KIAA1549: variants seen among roughly 807,000 people sequenced by gnomAD.
KIAA1549 encodes the protein KIAA1549, also known as UPF0606 protein KIAA1549.
A neutral mutation model predicts 156.4 loss-of-function variants in KIAA1549; 70 were observed. That is an observed-to-expected ratio of 0.45 (90% CI 0.37 to 0.55). The LOEUF (loss-of-function observed/expected upper bound fraction) is 0.55. KIAA1549 is among the 20% of genes least tolerant of loss of function. The pLI is 0.00. For missense variants in KIAA1549, 2,428 were observed against 2,540.9 expected (o/e 0.96, Z 0.96); for synonymous variants, 1,103 against 1,066.4 (o/e 1.03, Z -0.67).
chr7:138,976,238 G>A (rs532351773), intron 1 of KIAA1549, among the ~76,000 whole-genome samples: 134 of 151,978 alleles, frequency 8.8e-4, no homozygotes, highest in African/African-American at 2.9e-3. Flanking sequence ...CACCACACCC[G>A]GCTAATTTCT....
At chr7:138,950,170 T>G (rs1813453427) in intron 1 of KIAA1549, among the ~76,000 whole-genome samples, 1 of 152,230 alleles carries the variant, frequency 6.6e-6, no homozygotes, top group Non-Finnish European at 1.5e-5. Flanking sequence ...GATATTGGTG[T>G]TGTTATACAG....
intron 15 of KIAA1549, 62 bp from the exon 16 acceptor site, chr7:138,861,518 T>C (rs1449051218): frequency 8.3e-6 from 11 of 1,320,444 alleles, no homozygotes; most frequent in Non-Finnish European, 9.6e-6. Context: ...CCTAAACAGT[T>C]TTCCTGACAT....
intron 8 of KIAA1549, 47 bp downstream of exon 8, chr7:138,903,541 G>C (rs1563070336): frequency 1.9e-6 from 3 of 1,589,980 alleles, no homozygotes; most frequent in South Asian, 1.1e-5. Flanking sequence ...CGCAAGCGCT[G>C]TCTCTCTCCC....
chr7:138,927,694 A>G (rs1812760567), intron 1 of KIAA1549, among the ~76,000 whole-genome samples: 1 of 152,220 alleles, frequency 6.6e-6, no homozygotes, highest in Non-Finnish European at 1.5e-5. Flanking sequence ...CTGTAACTTC[A>G]CTAAATTTCT....
chr7:138,881,605 A>G (rs1412031288), intron 10 of KIAA1549, 21 bp from the exon 11 acceptor site: 1 of 1,597,100 alleles, frequency 6.3e-7, no homozygotes, highest in South Asian at 1.1e-5. Context: ...CACACACACA[A>G]ACAAGATTGT....
At chr7:138,922,092 C>T (rs138389824) in intron 1 of KIAA1549, among the ~76,000 whole-genome samples, 2 of 152,166 alleles carry the variant, frequency 1.3e-5, no homozygotes, top group African/African-American at 4.8e-5. Context: ...GCCTCCAGAA[C>T]GGTGAGACAA....
chr7:138,949,026 G>A (rs1813415114), intron 1 of KIAA1549, among the ~76,000 whole-genome samples: 1 of 152,074 alleles, frequency 6.6e-6, no homozygotes, highest in African/African-American at 2.4e-5. Flanking sequence ...CGTTTTTACG[G>A]GGTCATGAGG....
At chr7:138,910,666 G>C (rs939455283) in intron 4 of KIAA1549, among the ~76,000 whole-genome samples, 1 of 150,258 alleles carries the variant, frequency 6.7e-6, no homozygotes, top group Non-Finnish European at 1.5e-5. Flanking sequence ...TCAAAGTGCT[G>C]AGATTACAGG....
intron 1 of KIAA1549, among the ~76,000 whole-genome samples, chr7:138,935,126 T>C (rs966949006): frequency 1.3e-5 from 2 of 152,186 alleles, no homozygotes; most frequent in African/African-American, 2.4e-5. Context: ...AGAGAACTCA[T>C]GTGGAACTTC....
intron 2 of KIAA1549, among the ~76,000 whole-genome samples, chr7:138,913,892 G>A (rs1055093529): frequency 2.0e-5 from 3 of 151,816 alleles, no homozygotes; most frequent in Non-Finnish European, 4.4e-5. Flanking sequence ...CTTATTTAAG[G>A]AAGGAAATGA....
At chr7:138,926,329 C>A (rs1023941985) in intron 1 of KIAA1549, among the ~76,000 whole-genome samples, 1 of 152,042 alleles carries the variant, frequency 6.6e-6, no homozygotes, top group Non-Finnish European at 1.5e-5. Flanking sequence ...TTGTGTCAGC[C>A]AGGCTGGAGT....
intron 19 of KIAA1549, among the ~76,000 whole-genome samples, 167 bp from the exon 20 acceptor site, chr7:138,838,327 G>A (rs1394433139): frequency 6.6e-6 from 1 of 152,234 alleles, no homozygotes. Context: ...GAAGACACCA[G>A]GGGGCTGGGG....
At chr7:138,880,177 T>C (rs1186145777) in intron 11 of KIAA1549, among the ~76,000 whole-genome samples, 1 of 152,194 alleles carries the variant, frequency 6.6e-6, no homozygotes, top group Non-Finnish European at 1.5e-5. Context: ...CCAGGGAAAA[T>C]TCCTTCATCA....
chr7:138,928,581 C>A (rs1812786895), intron 1 of KIAA1549, among the ~76,000 whole-genome samples: 1 of 152,250 alleles, frequency 6.6e-6, no homozygotes, highest in Non-Finnish European at 1.5e-5. Flanking sequence ...GCCACCATGC[C>A]CAGCCTAAAG....
chr7:138,884,145 G>A (rs75440130), intron 10 of KIAA1549, among the ~76,000 whole-genome samples: 3,579 of 152,242 alleles, frequency 0.024, 128 homozygotes, highest in African/African-American at 0.082. Flanking sequence ...CCTGAAAAAC[G>A]CAAAAGGGCA....
At chr7:138,900,845 G>A (rs1399805977) in intron 8 of KIAA1549, among the ~76,000 whole-genome samples, 2 of 152,310 alleles carry the variant, frequency 1.3e-5, no homozygotes, top group Admixed American at 1.3e-4. Flanking sequence ...TGCGGCCCTC[G>A]CCATGACACC....
At chr7:138,966,867 C>T (rs368849555) in intron 1 of KIAA1549, among the ~76,000 whole-genome samples, 2 of 152,128 alleles carry the variant, frequency 1.3e-5, no homozygotes, top group Non-Finnish European at 1.5e-5. Flanking sequence ...AAGCACAGTG[C>T]TGCTGACACC....
rs1341307428 is a variant in KIAA1549 at position 138,871,301 on chromosome 7, C to T, written c.4407G>A (p.Val1469=). 1.9e-6 allele frequency: 3 copies of T among 1,606,438 alleles called. No homozygotes were observed. The highest frequency in any genetic ancestry group is 2.6e-6 in the Non-Finnish European group (3 of 1,176,152). ...QHSSASIFEH[V]DRISRPPEAS... ...CCTCCGGGGGGCGGGAGATCCTGTC[C>T]ACGTGCTCGAAGATGGAGGCTGATG... Residue 1469 remains valine, a synonymous_variant, in exon 13 of 20, where the codon GTG becomes GTA. Coordinates refer to ENST00000422774, the MANE Select transcript of KIAA1549 (RefSeq NM_001164665.2).
intron 12 of KIAA1549, among the ~76,000 whole-genome samples, chr7:138,877,994 C>T (rs1029948217): frequency 3.5e-4 from 54 of 152,194 alleles, no homozygotes; most frequent in African/African-American, 1.3e-3. Context: ...GCTCTTTCCA[C>T]GCCCCCCCAA....
Sources: gnomAD v4.1 joint callset for allele counts (sites outside exome capture counted in the v4.1 genomes callset) on GRCh38, gnomAD v4.1.1 for gene constraint, MANE v1.5 for transcripts, NCBI Gene and HGNC (gene_info 2026-07-23, HGNC 2026-07-21) for gene names.